POU6F2: variants seen among roughly 807,000 people sequenced by gnomAD.
POU6F2 encodes POU domain, class 6, transcription factor 2.
A neutral mutation model predicts 71.3 loss-of-function variants in POU6F2; 31 were observed. The observed-to-expected ratio is 0.43, with a 90% CI of 0.33 to 0.59. The LOEUF (loss-of-function observed/expected upper bound fraction) is 0.59. POU6F2 is among the 20% of genes least tolerant of loss of function. The probability of loss-of-function intolerance (pLI) is 0.04; values close to 1 mark genes in which losing one functional copy is unlikely to be tolerated. For synonymous variants in POU6F2, 347 were observed against 355.7 expected, an observed-to-expected ratio of 0.98 and a Z score of 0.27; for missense variants, 783 against 856.8, an observed-to-expected ratio of 0.91 and a Z score of 1.07.
intron 2 of POU6F2, among the ~76,000 whole-genome samples, chr7:39,130,066 CAAA>C (rs572365688): frequency 4.5e-5 from 2 of 44,546 alleles, no homozygotes; most frequent in African/African-American, 7.2e-5. Flanking sequence ...GACTCCATCT[CAAA>C]AAAAAAAAAA....
At chr7:39,140,319 G>A (rs1438835837) in intron 2 of POU6F2, among the ~76,000 whole-genome samples, 1 of 152,202 alleles carries the variant, frequency 6.6e-6, no homozygotes, top group Non-Finnish European at 1.5e-5. Context: ...GGCTAAAGTG[G>A]CACCATCTGT....
At chr7:39,108,924 A>G (rs928075493) in intron 2 of POU6F2, among the ~76,000 whole-genome samples, 5 of 152,236 alleles carry the variant, frequency 3.3e-5, no homozygotes, top group African/African-American at 1.2e-4. Flanking sequence ...ACTAGAGGAA[A>G]AAGGTTAAGT....
intron 4 of POU6F2, among the ~76,000 whole-genome samples, chr7:39,256,086 T>C (rs1784015442): frequency 6.6e-6 from 1 of 152,188 alleles, no homozygotes; most frequent in Admixed American, 6.5e-5. Flanking sequence ...GTACATTCCT[T>C]GAATCCCCCA....
chr7:39,425,887 C>T (rs919921128), intron 6 of POU6F2, among the ~76,000 whole-genome samples: 1 of 152,158 alleles, frequency 6.6e-6, no homozygotes, highest in Non-Finnish European at 1.5e-5. Flanking sequence ...TGGTGATGTT[C>T]CTCTGCCCTG....
chr7:39,024,031 A>G (rs1203174926), intron 1 of POU6F2, among the ~76,000 whole-genome samples: 3 of 152,202 alleles, frequency 2.0e-5, no homozygotes, highest in South Asian at 4.2e-4. Context: ...ATTTTTTCCA[A>G]TTCTGTGAAG....
chr7:39,008,323 T>G (rs1457954766), intron 1 of POU6F2, among the ~76,000 whole-genome samples: 3 of 152,094 alleles, frequency 2.0e-5, no homozygotes, highest in African/African-American at 7.2e-5. Flanking sequence ...CATAAATATC[T>G]TCTTTTGAGA....
At chr7:39,127,943 C>T (rs1055016893) in intron 2 of POU6F2, among the ~76,000 whole-genome samples, 7 of 149,000 alleles carry the variant, frequency 4.7e-5, no homozygotes, top group Non-Finnish European at 1.0e-4. Context: ...CCCGGGTTCA[C>T]GGCATTCTCC....
chr7:38,981,777 A>C (rs1788322201), intron 1 of POU6F2, among the ~76,000 whole-genome samples: 1 of 152,188 alleles, frequency 6.6e-6, no homozygotes, highest in Non-Finnish European at 1.5e-5. Flanking sequence ...CATTTCGACC[A>C]TGTGAAGTGT....
rs1041243203 is a variant in POU6F2 at position 39,215,869 on chromosome 7, G to T, written c.598+8249G>T. On this transcript the variant is annotated intron_variant, in intron 4 of 9. Coordinates refer to ENST00000518318, the MANE Select transcript of POU6F2 (RefSeq NM_001370959.1). Reference sequence around the variant, plus strand: ...AAAATCTCAAAATCTCCAACAGGAAGGTGTGTTTCTTTGTTGATTTCATAT... The same window carrying T: ...AAAATCTCAAAATCTCCAACAGGAATGTGTGTTTCTTTGTTGATTTCATAT... Among the ~76,000 whole-genome samples the T allele has an allele frequency of 2.0e-5, 3 of 152,242 alleles. No homozygotes were observed. The East Asian group carries it at 5.8e-4, about 29-fold the overall frequency.
At chr7:39,419,057 A>G (rs1409683164) in intron 6 of POU6F2, among the ~76,000 whole-genome samples, 3 of 139,622 alleles carry the variant, frequency 2.1e-5, no homozygotes, top group Non-Finnish European at 4.7e-5. Context: ...GTATACACAT[A>G]TATACACATA....
At chr7:39,276,997 A>G (rs918342456) in intron 4 of POU6F2, among the ~76,000 whole-genome samples, 11 of 152,224 alleles carry the variant, frequency 7.2e-5, no homozygotes, top group Admixed American at 5.2e-4. Flanking sequence ...GCACATGTAT[A>G]CATATGTAAC....
intron 4 of POU6F2, among the ~76,000 whole-genome samples, chr7:39,280,113 G>A (rs1352447951): frequency 6.6e-6 from 1 of 151,936 alleles, no homozygotes. Context: ...TTATTTTAAT[G>A]TGATTATCCC....
chr7:39,224,016 G>A (rs989267249), intron 4 of POU6F2, among the ~76,000 whole-genome samples: 1 of 152,106 alleles, frequency 6.6e-6, no homozygotes, highest in African/African-American at 2.4e-5. Context: ...CAAGTGTGAT[G>A]TGCAGTTAGT....
chr7:39,442,223 C>G (rs544507363), intron 7 of POU6F2, among the ~76,000 whole-genome samples: 1 of 152,288 alleles, frequency 6.6e-6, no homozygotes, highest in South Asian at 2.1e-4. Flanking sequence ...GTGGGCAAGA[C>G]AGATGCCATG....
chr7:39,249,678 C>A (rs1783880218), intron 4 of POU6F2, among the ~76,000 whole-genome samples: 1 of 152,080 alleles, frequency 6.6e-6, no homozygotes, highest in South Asian at 2.1e-4. Context: ...TGCCTTAAAC[C>A]CCACAATCAT....
In POU6F2 at chr7:39,303,535, C is replaced by G. The variant is rs560672573; in HGVS notation, c.599-36107C>G. The stretch of plus-strand genomic sequence containing the variant: ...CTCAGATTATAATTTTTATTGTCCT[C>G]TATTTTTCACAATATGCTTATTCCC... On this transcript the variant is annotated intron_variant, in intron 4 of 9. Coordinates refer to ENST00000518318, the MANE Select transcript of POU6F2 (RefSeq NM_001370959.1). Among the ~76,000 whole-genome samples, 3 of 152,314 alleles carry G rather than the reference C, an allele frequency of 2.0e-5. No homozygotes were observed. In the South Asian group the frequency reaches 6.2e-4, roughly 32 times the overall value.
chr7:38,998,488 G>C (rs887893184), intron 1 of POU6F2, among the ~76,000 whole-genome samples: 3 of 152,230 alleles, frequency 2.0e-5, no homozygotes, highest in Admixed American at 6.5e-5. Context: ...CCTATATGTA[G>C]ACGTACAAAT....
intron 2 of POU6F2, among the ~76,000 whole-genome samples, chr7:39,147,573 G>A (rs1228019671): frequency 1.3e-5 from 2 of 152,182 alleles, no homozygotes; most frequent in African/African-American, 4.8e-5. Context: ...TCCCAGGCCA[G>A]GGTAGGTTCT....
intron 7 of POU6F2, among the ~76,000 whole-genome samples, chr7:39,445,170 A>G (rs998031700): frequency 6.6e-6 from 1 of 152,206 alleles, no homozygotes; most frequent in African/African-American, 2.4e-5. Flanking sequence ...GTATTCAGTT[A>G]CTAATTTTCA....
Sources: allele counts gnomAD v4.1 joint callset (sites outside exome capture counted in the v4.1 genomes callset), GRCh38; gene constraint gnomAD v4.1.1; transcripts MANE v1.5; gene names NCBI Gene and HGNC (gene_info 2026-07-23, HGNC 2026-07-21).